ASAH2: variants seen among roughly 807,000 people sequenced by gnomAD.
The protein encoded by ASAH2 is neutral ceramidase.
In ASAH2, 58 loss-of-function variants were observed where a neutral mutation model predicts 82.9. The ratio of observed to expected loss-of-function variants is 0.70; its 90% CI spans 0.57 to 0.87. ASAH2 has a LOEUF of 0.87. ASAH2 is among the 40% of genes least tolerant of loss of function. The pLI is 0.00. For synonymous variants in ASAH2, 276 were observed against 289.7 expected (o/e 0.95, Z 0.48); for missense variants, 779 against 834.0 (o/e 0.93, Z 0.81).
chr10:50,214,523 C>T (rs1845545836), intron 9 of ASAH2, among the ~76,000 whole-genome samples: 1 of 152,088 alleles, frequency 6.6e-6, no homozygotes, highest in Non-Finnish European at 1.5e-5. Context: ...AATTGTCTCA[C>T]CATTCAAAAA....
intron 7 of ASAH2, among the ~76,000 whole-genome samples, chr10:50,229,939 T>A (rs1392584215): frequency 6.6e-6 from 1 of 152,184 alleles, no homozygotes; most frequent in African/African-American, 2.4e-5. Context: ...GCCTTCTGTC[T>A]CCCTCAGTAG....
intron 15 of ASAH2, 51 bp from the exon 16 acceptor site, chr10:50,202,975 A>G (rs917282833): frequency 3.5e-6 from 4 of 1,158,298 alleles, no homozygotes; most frequent in East Asian, 2.3e-5. Context: ...CTTTACGTAT[A>G]TTTTCATTCT....
intron 7 of ASAH2, among the ~76,000 whole-genome samples, chr10:50,219,674 A>T (rs1199563799): frequency 2.6e-5 from 4 of 152,256 alleles, no homozygotes; most frequent in African/African-American, 9.6e-5. Flanking sequence ...GCACAAAACT[A>T]AGCATCTATT....
intron 1 of ASAH2, among the ~76,000 whole-genome samples, 169 bp downstream of exon 1, chr10:50,251,226 G>A (rs994746102): frequency 6.6e-6 from 1 of 152,106 alleles, no homozygotes; most frequent in African/African-American, 2.4e-5. Context: ...TTCACATAAC[G>A]GGGTCCCTGT....
chr10:50,218,432 A>C, intron 8 of ASAH2, 78 bp downstream of exon 8: 1 of 1,593,830 alleles, frequency 6.3e-7, no homozygotes, highest in Non-Finnish European at 8.6e-7. Context: ...TGGAGATTTG[A>C]ATCACCTCTT....
Position 50,245,313 on chromosome 10 carries a change from G to A in ASAH2, c.269C>T (p.Thr90Ile). ...GTTCTGAAATAGAGGAGACTCTGGG[G>A]TTAAAGGCACTGGAGAAGTTTGAGT... ...TATQTSPVPLTPESPLFQNFS... is the reference protein window; with the variant it reads ...TATQTSPVPLIPESPLFQNFS... The change falls in exon 3 of 21, where the codon ACC (threonine) becomes ATC (isoleucine). Residue 90 changes from threonine (T) to isoleucine (I), a missense_variant. By Grantham distance (89) the Thr-to-Ile change is moderately conservative. This residue lies in a region of ASAH2 where 759 missense variants were observed against 755.2 expected (regional missense o/e 1.00). Transcript: ENST00000682911. 1 of 1,614,102 alleles carries A rather than the reference G, an allele frequency of 6.2e-7. No homozygotes were observed.
Position 50,188,389 on chromosome 10 carries a change from TA to T in ASAH2, c.2154-886del, listed in dbSNP as rs1189000377. 4.2e-3 allele frequency among the ~76,000 whole-genome samples: 633 copies of T among 151,748 alleles called. 1 individual carries two copies. The highest frequency in any genetic ancestry group is 0.014 in the African/African-American group (596 of 41,248). Reference sequence around the variant, plus strand: ...CTAGACTCAGTGAGATACAACGGGCTAACTGATATCCTCAGTTATGCTGAAA... The same window carrying T: ...CTAGACTCAGTGAGATACAACGGGCTACTGATATCCTCAGTTATGCTGAAA... On this transcript the variant is annotated intron_variant, in intron 20 of 20. Coordinates refer to ENST00000682911, the MANE Select transcript of ASAH2 (RefSeq NM_019893.4).
intron 1 of ASAH2, among the ~76,000 whole-genome samples, 164 bp from the exon 2 acceptor site, chr10:50,248,810 T>C (rs1467667681): frequency 6.6e-6 from 1 of 152,210 alleles, no homozygotes; most frequent in Non-Finnish European, 1.5e-5. Flanking sequence ...ACCAATCAAT[T>C]ACAGCATTCT....
chr10:50,228,247 T>C (rs1845939522), intron 7 of ASAH2, among the ~76,000 whole-genome samples: 1 of 151,934 alleles, frequency 6.6e-6, no homozygotes, highest in African/African-American at 2.4e-5. Context: ...GAGAAGGCAT[T>C]TAGGAAGACA....
chr10:50,202,906 T>A lies in ASAH2; in HGVS notation c.1684A>T (p.Met562Leu), dbSNP rs1845192678. 2 of 1,610,286 alleles carry A rather than the reference T, an allele frequency of 1.2e-6. No homozygotes were observed. The highest frequency in any genetic ancestry group is 1.7e-6 in the Non-Finnish European group (2 of 1,176,924). Residue 562 changes from methionine to leucine, a missense_variant, in exon 16 of 21, where the codon ATG (methionine) becomes TTG (leucine). Met to Leu is a conservative substitution (Grantham distance 15, BLOSUM62 2). This residue lies in a region of ASAH2 where 759 missense variants were observed against 755.2 expected (regional missense o/e 1.00). Coordinates refer to ENST00000682911, the MANE Select transcript of ASAH2 (RefSeq NM_019893.4). ...GAAATAACAACAGTCATGTTCTGCA[T>A]CCCATGAGATGCAAATTCCTAGGAG... ...AVQAEFASHG[M>L]QNMTVVISGL...
At chr10:50,226,774 G>A (rs935708817) in intron 7 of ASAH2, among the ~76,000 whole-genome samples, 3,871 of 152,032 alleles carry the variant, frequency 0.025, 152 homozygotes, top group African/African-American at 0.078. Context: ...GCACTGGCAC[G>A]GTATCATTTC....
chr10:50,227,805 C>G (rs1188047942), intron 7 of ASAH2, among the ~76,000 whole-genome samples: 1 of 152,140 alleles, frequency 6.6e-6, no homozygotes, highest in Non-Finnish European at 1.5e-5. Flanking sequence ...TATCAGTCAA[C>G]AGTCACCATC....
rs1025231133 is a variant in ASAH2, at chr10:50,199,052, G to A, written c.1856C>T (p.Thr619Met). The change falls in exon 17 of 21, where the codon ACG becomes ATG. Residue 619 changes from threonine to methionine, a missense_variant and splice_region_variant. Thr to Met is a moderately conservative substitution (Grantham distance 81). This residue lies in a region of ASAH2 where 6 missense variants were observed against 62.6 expected (regional missense o/e 0.10). Transcript: ENST00000682911. ...LFRNLAKAIA[T>M]DTVANLSRGP... ...CACGCACAAACAATATTTGATTACC[G>A]TAGCAATAGCCTTAGCAAGGTTTCT... 2.5e-5 allele frequency: 41 copies of A among 1,612,800 alleles called. No individual in the cohort carries two copies. Among genetic ancestry groups the A allele is most frequent in the African/African-American group, 2.3e-4 (17 of 74,734 alleles).
At chr10:50,250,720 A>G (rs748766236) in intron 1 of ASAH2, among the ~76,000 whole-genome samples, 1 of 152,238 alleles carries the variant, frequency 6.6e-6, no homozygotes, top group Non-Finnish European at 1.5e-5. Flanking sequence ...AAATGTGGTC[A>G]TGTGTTAGAA....
chr10:50,205,642 G>A (rs1180104392), intron 13 of ASAH2, among the ~76,000 whole-genome samples: 1 of 151,932 alleles, frequency 6.6e-6, no homozygotes, highest in Non-Finnish European at 1.5e-5. Flanking sequence ...TAGATGACCT[G>A]AAATATTTTC....
chr10:50,241,563 G>A (rs1846296007), intron 4 of ASAH2, among the ~76,000 whole-genome samples: 2 of 152,100 alleles, frequency 1.3e-5, no homozygotes, highest in Admixed American at 6.6e-5. Context: ...TTTTAAGAAT[G>A]TATCTGCTAT....
At chr10:50,208,437 C>T (rs1845365225) in intron 12 of ASAH2, among the ~76,000 whole-genome samples, 1 of 151,846 alleles carries the variant, frequency 6.6e-6, no homozygotes, top group African/African-American at 2.4e-5. Context: ...AATATTAGAA[C>T]TAATAAATGA....
intron 16 of ASAH2, among the ~76,000 whole-genome samples, chr10:50,202,619 G>A (rs1446251060): frequency 5.3e-5 from 8 of 152,040 alleles, no homozygotes; most frequent in Admixed American, 3.3e-4. Context: ...ATGTAAGTCA[G>A]TAAAACTAGA....
intron 15 of ASAH2, 59 bp downstream of exon 15, chr10:50,203,581 T>TCCTATGGTGAAGAGGG (rs1224226418): frequency 0.4 from 533,020 of 1,339,762 alleles, 111,029 homozygotes; most frequent in Non-Finnish European, 0.43. Flanking sequence ...AGGGATAGGA[T>TCCTATGGTGAAGAGGG]ATACTTTCCT....
Sources: allele counts gnomAD v4.1 joint callset (sites outside exome capture counted in the v4.1 genomes callset), GRCh38; gene constraint gnomAD v4.1.1; regional missense constraint gnomAD v4.1.1; transcripts MANE v1.5; gene names NCBI Gene and HGNC (gene_info 2026-07-23, HGNC 2026-07-21).